Variants in TMCO2 observed in about 807,000 individuals in gnomAD.
The protein encoded by TMCO2 is transmembrane and coiled-coil domain-containing protein 2.
Under a neutral mutation model 18.0 loss-of-function variants are expected in TMCO2, and 15 were observed. The observed-to-expected ratio is 0.84, with a 90% CI of 0.56 to 1.29. The LOEUF is 1.29. Among genes scored for constraint, TMCO2 ranks in the 50% most tolerant of loss-of-function variants. TMCO2 has a pLI of 0.00. For synonymous variants in TMCO2, 79 were observed against 75.9 expected, an observed-to-expected ratio of 1.04 and a Z score of -0.21; for missense variants, 182 against 200.9, an observed-to-expected ratio of 0.91 and a Z score of 0.57.
Position 40,248,159 on chromosome 1 carries a change from A to C in TMCO2, c.166A>C (p.Arg56=). The C allele has an allele frequency of 6.2e-7, 1 of 1,614,138 alleles. No homozygotes were observed. Among genetic ancestry groups the C allele is most frequent in the Non-Finnish European group, 8.5e-7 (1 of 1,180,022 alleles). ...TGCTCCAGCTGTGCAAATCATCTTG[A>C]GGATTTCTTTCTTGATTTTATTGGG... ...NLAPAVQIIL[R]ISFLILLGIG... is the part of the protein sequence containing the mutation. Residue 56 remains arginine (R), a synonymous_variant, in exon 1 of 2, where the codon AGG becomes CGG. Transcript: ENST00000372766.
In TMCO2 at chr1:40,251,506, C is replaced by T. The variant is rs779480695; in HGVS notation, c.461C>T (p.Thr154Met). The change falls in exon 2 of 2, where the codon ACG becomes ATG. Residue 154 changes from threonine to methionine, a missense_variant. Coordinates refer to ENST00000372766, the MANE Select transcript of TMCO2 (RefSeq NM_001008740.4). ...EGIIVAQKPA[T>M]KRDCSSEPYC... ...ATAATCGTTGCTCAAAAACCTGCCA[C>T]GAAGAGGGATTGCTCCTCTGAGCCC... 1.5e-5 allele frequency: 24 copies of T among 1,613,860 alleles called. No homozygotes were observed. The highest frequency in any genetic ancestry group is 3.3e-5 in the South Asian group (3 of 91,050).
In TMCO2 at chr1:40,248,019, G is replaced by A. The variant is rs1457440907; in HGVS notation, c.26G>A (p.Trp9Ter). The A allele has an allele frequency of 3.1e-6, 5 of 1,613,986 alleles. No individual in the cohort carries two copies. Among genetic ancestry groups the A allele is most frequent in the Non-Finnish European group, 4.2e-6 (5 of 1,179,994 alleles). Residue 9 changes from tryptophan (W) to a stop codon, truncating the protein, a stop_gained, in exon 1 of 2, where the codon TGG becomes TAG. Coordinates refer to ENST00000372766, the MANE Select transcript of TMCO2 (RefSeq NM_001008740.4). LOFTEE classifies it high-confidence loss of function. ...ATGTCAACATCTTCATCTTCTAGCT[G>A]GGACAACCTCTTAGAGTCTCTCTCT... MSTSSSSS[W>*]DNLLESLSLS...
In TMCO2 at chr1:40,248,194, A is replaced by G. The variant is rs1482953851; in HGVS notation, c.201A>G (p.Ile67Met). The G allele has an allele frequency of 6.2e-7, 1 of 1,614,018 alleles. No homozygotes were observed. The highest frequency in any genetic ancestry group is 2.2e-5 in the East Asian group (1 of 44,878). ...TCTTGATTTTATTGGGAATAGGAAT[A>G]TATGCCTTATGGAAACGAAGTATTC... ...ISFLILLGIG[I>M]YALWKRSIQS... Residue 67 changes from isoleucine to methionine, a missense_variant, in exon 1 of 2, where the codon ATA becomes ATG. Ile to Met is a conservative substitution (Grantham distance 10, BLOSUM62 1). Coordinates refer to ENST00000372766, the MANE Select transcript of TMCO2 (RefSeq NM_001008740.4).
rs3075101 is a variant in TMCO2 at position 40,249,255 on chromosome 1, A to ATGTGTGTGTGTGTGTGTGTG, written c.237+1053_237+1072dup. ...CAACTGACCTAAATCTTGAACAGGA[A>ATGTGTGTGTGTGTGTGTGTG]TGTGTGTGTGTGTGTGTGTGTGTGT... On this transcript the variant is annotated intron_variant, in intron 1 of 1. Coordinates refer to ENST00000372766, the MANE Select transcript of TMCO2 (RefSeq NM_001008740.4). 2.6e-4 allele frequency among the ~76,000 whole-genome samples: 36 copies of ATGTGTGTGTGTGTGTGTGTG among 139,934 alleles called. 1 individual carries two copies. Among genetic ancestry groups the ATGTGTGTGTGTGTGTGTGTG allele is most frequent in the South Asian group, 1.5e-3 (6 of 4,036 alleles). The allele number at this position is 139,934 out of a possible 152,430, so 91.8% of individuals were successfully genotyped here.
chr1:40,249,255 ATGTGTGTGTGTGTGTGTGTGTGTGTGTG>A (rs3075101), intron 1 of TMCO2, among the ~76,000 whole-genome samples: 6 of 139,832 alleles, frequency 4.3e-5, no homozygotes, highest in African/African-American at 7.9e-5. Flanking sequence ...TTGAACAGGA[ATGTGTGTGTGTGTGTGTGTGTGTGTGTG>A]TGTGTGTGTG....
At chr1:40,248,328 G>A (rs1294035672) in intron 1 of TMCO2, 98 bp downstream of exon 1, 1 of 1,028,446 alleles carries the variant, frequency 9.7e-7, no homozygotes, top group South Asian at 1.6e-5. Context: ...TCATGCAGAT[G>A]TGCAAAGGCG....
intron 1 of TMCO2, among the ~76,000 whole-genome samples, chr1:40,248,642 C>T (rs1005928192): frequency 5.3e-5 from 8 of 152,156 alleles, no homozygotes; most frequent in Non-Finnish European, 8.8e-5. Flanking sequence ...TAAGTCATCA[C>T]AATGTGTTCA....
At position 40,251,509 on chromosome 1, in the gene TMCO2, A is replaced by T; in HGVS notation, c.464A>T (p.Lys155Met). ...ATCGTTGCTCAAAAACCTGCCACGA[A>T]GAGGGATTGCTCCTCTGAGCCCTAC... ...GIIVAQKPAT[K>M]RDCSSEPYCS... is the part of the protein sequence containing the mutation. The change falls in exon 2 of 2, where the codon AAG (lysine) becomes ATG (methionine). Residue 155 changes from lysine to methionine, a missense_variant. Physicochemically the swap from Lys to Met is moderately conservative, Grantham distance 95. Transcript: ENST00000372766. 1 of 1,614,056 alleles carries T rather than the reference A, an allele frequency of 6.2e-7. No homozygotes were observed. The highest frequency in any genetic ancestry group is 8.5e-7 in the Non-Finnish European group (1 of 1,180,022).
chr1:40,250,907 A>G (rs1275344548), intron 1 of TMCO2, among the ~76,000 whole-genome samples: 2 of 152,292 alleles, frequency 1.3e-5, no homozygotes, highest in East Asian at 3.9e-4. Flanking sequence ...GGAGGCCACG[A>G]TGGGCGGATC....
Position 40,251,310 on chromosome 1 carries a change from TA to T in TMCO2, c.266del (p.Tyr89SerfsTer15). On this transcript the variant is annotated frameshift_variant, in exon 2 of 2. Coordinates refer to ENST00000372766, the MANE Select transcript of TMCO2 (RefSeq NM_001008740.4). LOFTEE classifies it high-confidence loss of function. ...QKTLLFVITLYKLYKKGSHIF... is the reference protein window; with the variant it reads ...QKTLLFVITLXKLYKKGSHIF... ...AACATTGTTGTTTGTAATCACACTC[TA>T]CAAACTTTACAAGAAGGGCTCACAT... 1 of 1,612,944 alleles carries T rather than the reference TA, an allele frequency of 6.2e-7. No homozygotes were observed. Among genetic ancestry groups the T allele is most frequent in the Non-Finnish European group, 8.5e-7 (1 of 1,179,754 alleles).
Position 40,251,310 on chromosome 1 carries a change from T to C in TMCO2, c.265T>C (p.Tyr89His), listed in dbSNP as rs755163741. 38 of 1,612,826 alleles carry C rather than the reference T, an allele frequency of 2.4e-5. No homozygotes were observed. Among genetic ancestry groups the C allele is most frequent in the Middle Eastern group, 3.3e-4 (2 of 6,080 alleles). The change falls in exon 2 of 2, where the codon TAC becomes CAC. Residue 89 changes from tyrosine to histidine, a missense_variant. By Grantham distance (83) the Tyr-to-His change is moderately conservative (BLOSUM62 2). Transcript: ENST00000372766. ...AACATTGTTGTTTGTAATCACACTC[T>C]ACAAACTTTACAAGAAGGGCTCACA... ...QKTLLFVITLYKLYKKGSHIF... is the reference protein window; with the variant it reads ...QKTLLFVITLHKLYKKGSHIF...
intron 1 of TMCO2, among the ~76,000 whole-genome samples, chr1:40,250,679 T>C (rs1643374624): frequency 6.6e-6 from 1 of 152,218 alleles, no homozygotes; most frequent in Non-Finnish European, 1.5e-5. Context: ...TATCCAGTTG[T>C]GTTTTTTCTG....
rs995602405 is a variant in TMCO2, at chr1:40,251,483, A to C, written c.438A>C (p.Ile146=). ...ACAAAATGAAGAACCTAGAAGGGATAATCGTTGCTCAAAAACCTGCCACGA... is the reference window on the plus strand; with the variant it reads ...ACAAAATGAAGAACCTAGAAGGGATCATCGTTGCTCAAAAACCTGCCACGA... ...VENKMKNLEG[I]IVAQKPATKR... is the part of the protein sequence containing the mutation. The change falls in exon 2 of 2, where the codon ATA becomes ATC. Residue 146 remains isoleucine, a synonymous_variant. Transcript: ENST00000372766. 1 of 1,613,814 alleles carries C rather than the reference A, an allele frequency of 6.2e-7. No homozygotes were observed. The highest frequency in any genetic ancestry group is 1.3e-5 in the African/African-American group (1 of 74,930).
intron 1 of TMCO2, among the ~76,000 whole-genome samples, chr1:40,250,961 C>T (rs1052446605): frequency 6.6e-6 from 1 of 152,120 alleles, no homozygotes; most frequent in Non-Finnish European, 1.5e-5. Context: ...CACGGTGAAA[C>T]CTCGTCTCTA....
rs1038258697 is a variant in TMCO2, at chr1:40,250,330, T to TATAC, written c.238-950_238-947dup. On this transcript the variant is annotated intron_variant, in intron 1 of 1. Coordinates refer to ENST00000372766, the MANE Select transcript of TMCO2 (RefSeq NM_001008740.4). ...TTTATATAAATAAAATATATATATA[T>TATAC]ATACATTAATTTTTTTAAGAGACAG... Among the ~76,000 whole-genome samples the TATAC allele has an allele frequency of 8.0e-5, 12 of 150,162 alleles. 1 individual carries two copies. Among genetic ancestry groups the TATAC allele is most frequent in the East Asian group, 3.9e-4 (2 of 5,130 alleles).
Position 40,248,239 on chromosome 1 carries a change from CTT to C in TMCO2, c.237+12_237+13del, listed in dbSNP as rs766133214. 4.1e-5 allele frequency: 66 copies of C among 1,591,310 alleles called. 1 individual carries two copies. In the Admixed American group the frequency reaches 8.2e-4, roughly 20 times the overall value. On this transcript the variant is annotated intron_variant, in intron 1 of 1. Coordinates refer to ENST00000372766, the MANE Select transcript of TMCO2 (RefSeq NM_001008740.4). ...GTATTCAGTCAATTCAGGTTATACT[CTT>C]TTGTTACAAACATTTATATAGTTAT...
Position 40,249,255 on chromosome 1 carries a change from A to ATGTGTGTGTGTGTG in TMCO2, c.237+1059_237+1072dup, listed in dbSNP as rs3075101. ...CAACTGACCTAAATCTTGAACAGGA[A>ATGTGTGTGTGTGTG]TGTGTGTGTGTGTGTGTGTGTGTGT... On this transcript the variant is annotated intron_variant, in intron 1 of 1. Transcript: ENST00000372766. Among the ~76,000 whole-genome samples the ATGTGTGTGTGTGTG allele has an allele frequency of 3.6e-3, 507 of 139,916 alleles. 4 individuals are homozygous for ATGTGTGTGTGTGTG. Among genetic ancestry groups the ATGTGTGTGTGTGTG allele is most frequent in the South Asian group, 0.01 (42 of 4,032 alleles). 91.8% of individuals were successfully genotyped at this position (139,916 alleles called of 152,430 possible).
chr1:40,251,136 C>CAAAAA lies in TMCO2; in HGVS notation c.238-131_238-127dup, dbSNP rs59384076. On this transcript the variant is annotated intron_variant, in intron 1 of 1. Coordinates refer to ENST00000372766, the MANE Select transcript of TMCO2 (RefSeq NM_001008740.4). ...TGGGTGACAGAGTGAAACTCCATCT[C>CAAAAA]AAAAAAAAAAAAAAAAAAAATTTGC... 8.4e-4 allele frequency: 352 copies of CAAAAA among 419,320 alleles called. 1 individual carries two copies. Among genetic ancestry groups the CAAAAA allele is most frequent in the African/African-American group, 5.6e-3 (173 of 30,624 alleles). 26.0% of individuals were successfully genotyped at this position (419,320 alleles called of 1,614,324 possible).
At position 40,251,289 on chromosome 1, in the gene TMCO2, T is replaced by C. The variant is rs1166001767; in HGVS notation, c.244T>C (p.Leu82=). ...KRSIQSIQKT[L]LFVITLYKLY... ...TTCTGTTGTTCCATTTTAGAAAACA[T>C]TGTTGTTTGTAATCACACTCTACAA... Residue 82 remains leucine (L), a synonymous_variant, in exon 2 of 2, where the codon TTG becomes CTG. Transcript: ENST00000372766. The C allele has an allele frequency of 6.2e-7, 1 of 1,608,214 alleles. No homozygotes were observed.
Sources: allele counts gnomAD v4.1 joint callset (sites outside exome capture counted in the v4.1 genomes callset), GRCh38; gene constraint gnomAD v4.1.1; transcripts MANE v1.5; gene names NCBI Gene and HGNC (gene_info 2026-07-23, HGNC 2026-07-21).